Variants in ZNF184 observed in about 807,000 individuals in gnomAD.
ZNF184 encodes the protein zinc finger protein 184 (Kruppel-like).
Under a neutral mutation model 54.4 loss-of-function variants are expected in ZNF184, and 16 were observed. That is an observed-to-expected ratio of 0.29 (90% CI 0.20 to 0.45). The LOEUF (loss-of-function observed/expected upper bound fraction) is 0.45. Among genes scored for constraint, ZNF184 ranks in the 20% least tolerant of loss-of-function variants. The probability of loss-of-function intolerance (pLI) is 1.00; values close to 1 mark genes in which losing one functional copy is unlikely to be tolerated. For synonymous variants in ZNF184, 254 were observed against 295.3 expected (o/e 0.86, Z 1.43); for missense variants, 681 against 888.2 (o/e 0.77, Z 2.97).
intron 3 of ZNF184, among the ~76,000 whole-genome samples, chr6:27,464,536 AAAG>A (rs1280587689): frequency 6.6e-6 from 1 of 152,228 alleles, no homozygotes. Flanking sequence ...ATTCAATCCA[AAAG>A]AAGGTAAGAA....
At chr6:27,460,643 T>C (rs1192672093) in intron 3 of ZNF184, among the ~76,000 whole-genome samples, 1 of 152,106 alleles carries the variant, frequency 6.6e-6, no homozygotes, top group Non-Finnish European at 1.5e-5. Flanking sequence ...AGGCAGGGAA[T>C]TTGCAGGATA....
At chr6:27,456,765 C>T (rs1416120847) in intron 5 of ZNF184, 61 bp downstream of exon 5, 3 of 1,416,522 alleles carry the variant, frequency 2.1e-6, no homozygotes, top group Non-Finnish European at 3.0e-6. Context: ...ACATAAAATC[C>T]TCTCTTATCA....
rs761558068 is a variant in ZNF184 at position 27,452,417 on chromosome 6, T to C, written c.1142A>G (p.Gln381Arg). Residue 381 changes from glutamine to arginine, a missense_variant, in exon 6 of 6, where the codon CAA becomes CGA. Gln to Arg is a conservative substitution (Grantham distance 43, BLOSUM62 1). Coordinates refer to ENST00000683788, the MANE Select transcript of ZNF184 (RefSeq NM_001318891.2). The surrounding 1 kb of genome is among the most constrained non-coding windows in gnomAD (Gnocchi z 5.5). ...FTRSTHLTQH[Q>R]KIHTGEKTYK... ...GGTTTTTTCTCCAGTATGAATTTTT[T>C]GATGTTGAGTAAGGTGTGTGCTCCT... 3 of 1,613,878 alleles carry C rather than the reference T, an allele frequency of 1.9e-6. No homozygotes were observed. The East Asian group carries it at 6.7e-5, about 36-fold the overall frequency.
At chr6:27,445,521 T>C in the ZNF184 span, among the ~76,000 whole-genome samples, 1 of 152,282 alleles carries the variant, frequency 6.6e-6, no homozygotes, top group Admixed American at 6.5e-5. Flanking sequence ...TTAGTTAGCA[T>C]TGGAGTTCTA....
chr6:27,468,660 T>G (rs1763201542), intron 2 of ZNF184, among the ~76,000 whole-genome samples: 1 of 152,178 alleles, frequency 6.6e-6, no homozygotes, highest in African/African-American at 2.4e-5. Context: ...ACCATGGTAT[T>G]TTCATACAAT....
the ZNF184 span, among the ~76,000 whole-genome samples, chr6:27,445,293 T>G: frequency 2.0e-5 from 3 of 152,204 alleles, no homozygotes; most frequent in Non-Finnish European, 2.9e-5. Flanking sequence ...CCACAGCTAT[T>G]TGCAATAACA....
downstream of ZNF184, among the ~76,000 whole-genome samples, chr6:27,449,435 A>G (rs1482956522): frequency 6.6e-6 from 1 of 152,236 alleles, no homozygotes; most frequent in South Asian, 2.1e-4. Flanking sequence ...GGAAAAACTT[A>G]TAACTTCTGC....
the ZNF184 span, among the ~76,000 whole-genome samples, chr6:27,411,062 TCA>T: frequency 6.6e-6 from 1 of 152,158 alleles, no homozygotes; most frequent in South Asian, 2.1e-4. Context: ...AATTTTTTTC[TCA>T]CAGTTCTGGG....
At chr6:27,460,686 G>A (rs939985030) in intron 3 of ZNF184, among the ~76,000 whole-genome samples, 13 of 152,198 alleles carry the variant, frequency 8.5e-5, no homozygotes, top group Non-Finnish European at 1.5e-4. Context: ...CAGAGAAAAG[G>A]AATACCACAA....
At chr6:27,433,799 C>G in the ZNF184 span, among the ~76,000 whole-genome samples, 1 of 152,154 alleles carries the variant, frequency 6.6e-6, no homozygotes, top group Non-Finnish European at 1.5e-5. Context: ...GTTATGAATA[C>G]GGATGCACAA....
chr6:27,438,158 T>C, the ZNF184 span, among the ~76,000 whole-genome samples: 1 of 152,096 alleles, frequency 6.6e-6, no homozygotes. Flanking sequence ...TACCATGGAG[T>C]AAAATGGCTT....
intron 3 of ZNF184, 135 bp downstream of exon 3, chr6:27,467,718 C>T (rs1480488342): frequency 2.0e-5 from 14 of 689,650 alleles, no homozygotes; most frequent in East Asian, 3.1e-5. Flanking sequence ...GCTAGGAATG[C>T]GGTTACTAGA....
In ZNF184 at chr6:27,451,833, G is replaced by A; in HGVS notation, c.1726C>T (p.His576Tyr). ...CGTTCTCCAGTATGGATCTTCCTAT[G>A]CTGAATAAGGGATGAACCATAACTG... ...TFSYGSSLIQ[H>Y]RKIHTGERPY... The change falls in exon 6 of 6, where the codon CAT (histidine) becomes TAT (tyrosine). Residue 576 changes from histidine to tyrosine, a missense_variant. By Grantham distance (83) the His-to-Tyr change is moderately conservative. Coordinates refer to ENST00000683788, the MANE Select transcript of ZNF184 (RefSeq NM_001318891.2). The A allele has an allele frequency of 6.2e-7, 1 of 1,613,206 alleles. No individual in the cohort carries two copies. Among genetic ancestry groups the A allele is most frequent in the South Asian group, 1.1e-5 (1 of 91,078 alleles).
chr6:27,439,310 G>C, the ZNF184 span, among the ~76,000 whole-genome samples: 1 of 152,140 alleles, frequency 6.6e-6, no homozygotes, highest in African/African-American at 2.4e-5. Flanking sequence ...AATATTAAAA[G>C]GAAAATTCCA....
intron 3 of ZNF184, among the ~76,000 whole-genome samples, chr6:27,458,295 T>TAAAAAAAAAAAAAAAAAAAAAA (rs55966783): frequency 4.8e-5 from 3 of 62,368 alleles, no homozygotes; most frequent in Non-Finnish European, 8.8e-5. Flanking sequence ...TTCTGCACAG[T>TAAAAAAAAAAAAAAAAAAAAAA]AAAAAAAAAA....
the ZNF184 span, among the ~76,000 whole-genome samples, chr6:27,438,056 T>C: frequency 6.6e-6 from 1 of 152,164 alleles, no homozygotes; most frequent in African/African-American, 2.4e-5. Flanking sequence ...TTTATCATGT[T>C]GATTTATATT....
Position 27,472,554 on chromosome 6 carries a change from G to T in ZNF184, c.-139-121C>A, listed in dbSNP as rs865784689. The T allele has an allele frequency of 2.1e-6, 1 of 486,596 alleles. No individual in the cohort carries two copies. The highest frequency in any genetic ancestry group is 2.7e-5 in the South Asian group (1 of 36,626). The allele number at this position is 486,596 out of a possible 1,614,324, so 30.1% of individuals were successfully genotyped here. The stretch of plus-strand genomic sequence containing the variant: ...CCAAGAGAGCACTAGAGAGGTGTGT[G>T]GCACTCCGATGAACAAAACAGAGTG... On this transcript the variant is annotated intron_variant, in intron 1 of 5. Coordinates refer to ENST00000683788, the MANE Select transcript of ZNF184 (RefSeq NM_001318891.2). The surrounding 1 kb of genome is among the most constrained non-coding windows in gnomAD (Gnocchi z 4.8).
the ZNF184 span, chr6:27,405,626 A>C: frequency 6.6e-6 from 1 of 152,264 alleles, no homozygotes; most frequent in South Asian, 2.1e-4. Context: ...CACTGCTCTA[A>C]GTAGGTGCCC....
the ZNF184 span, chr6:27,406,678 T>G: frequency 6.6e-6 from 1 of 152,252 alleles, no homozygotes; most frequent in Non-Finnish European, 1.5e-5. Context: ...GTGCCAACAT[T>G]ACTTGCTTAA....
Sources: gnomAD v4.1 joint callset for allele counts (sites outside exome capture counted in the v4.1 genomes callset) on GRCh38, gnomAD v4.1.1 for gene constraint, Gnocchi (gnomAD v3.1) non-coding constraint, MANE v1.5 for transcripts, NCBI Gene and HGNC (gene_info 2026-07-23, HGNC 2026-07-21) for gene names.